Variants in LIFR observed in about 807,000 individuals in gnomAD.
LIFR encodes the protein leukemia inhibitory factor receptor.
LIFR carries 84 observed loss-of-function variants against 122.2 expected under a neutral mutation model. That is an observed-to-expected ratio of 0.69 (90% confidence interval 0.58 to 0.82). The LOEUF (loss-of-function observed/expected upper bound fraction) is 0.82, where lower values mean the gene tolerates loss of function less well. LIFR is among the 40% of genes least tolerant of loss of function. LIFR has a pLI of 0.00. For missense variants in LIFR, 1,294 were observed against 1,311.6 expected (o/e 0.99, Z 0.21); for synonymous variants, 422 against 434.7 (o/e 0.97, Z 0.36).
chr5:38,489,615 T>C (rs2112395320), intron 15 of LIFR, among the ~76,000 whole-genome samples: 1 of 152,316 alleles, frequency 6.6e-6, no homozygotes, highest in South Asian at 2.1e-4. Context: ...AAAGTACTAA[T>C]TAAATATTTT....
chr5:38,535,529 G>A (rs1419969658), intron 1 of LIFR, among the ~76,000 whole-genome samples: 2 of 152,172 alleles, frequency 1.3e-5, no homozygotes, highest in Non-Finnish European at 1.5e-5. Flanking sequence ...TTAGAGCTGA[G>A]TGGCTAGGAT....
intron 12 of LIFR, among the ~76,000 whole-genome samples, chr5:38,498,777 T>A (rs1745021208): frequency 6.6e-6 from 1 of 152,082 alleles, no homozygotes; most frequent in Admixed American, 6.6e-5. Context: ...TAATCAAGAG[T>A]GGATGTAACA....
At chr5:38,535,204 C>T (rs890950943) in intron 1 of LIFR, among the ~76,000 whole-genome samples, 3 of 152,168 alleles carry the variant, frequency 2.0e-5, no homozygotes, top group African/African-American at 7.2e-5. Context: ...GCTGCCATTC[C>T]ACAGCTGCCA....
intron 1 of LIFR, among the ~76,000 whole-genome samples, chr5:38,566,114 TTCTG>T (rs1218862937): frequency 6.6e-6 from 1 of 152,200 alleles, no homozygotes; most frequent in Non-Finnish European, 1.5e-5. Flanking sequence ...TTTTATTGCT[TTCTG>T]TCTTTCATTT....
At chr5:38,543,987 T>C (rs72742548) in intron 1 of LIFR, among the ~76,000 whole-genome samples, 133 of 152,216 alleles carry the variant, frequency 8.7e-4, no homozygotes, top group Middle Eastern at 6.8e-3. Context: ...ATAGCTAATT[T>C]ATTCAAGCAA....
In LIFR at chr5:38,481,336, A is replaced by G. The variant is rs1743971712; in HGVS notation, c.*259T>C. On this transcript the variant is annotated 3_prime_UTR_variant, in exon 20 of 20. Transcript: ENST00000453190. ...GCCTTGAAATGCTTCTTGAAGGTAG[A>G]GTACATGAGAATTCTTTGGCTTGAT... The G allele has an allele frequency of 1.9e-6, 1 of 536,496 alleles. No homozygotes were observed. The highest frequency in any genetic ancestry group is 2.2e-5 in the South Asian group (1 of 46,212). The allele number at this position is 536,496 out of a possible 1,614,324, so 33.2% of individuals were successfully genotyped here. A position where few individuals can be genotyped will look rare whatever the true frequency, so the allele number is the denominator to read the frequency against.
At chr5:38,549,651 C>A (rs552227494) in intron 1 of LIFR, among the ~76,000 whole-genome samples, 1 of 152,188 alleles carries the variant, frequency 6.6e-6, no homozygotes, top group African/African-American at 2.4e-5. Context: ...ATTAGCCGGG[C>A]GTGGTAGCGG....
intron 15 of LIFR, 43 bp from the exon 16 acceptor site, chr5:38,489,288 T>G: frequency 2.2e-6 from 3 of 1,353,364 alleles, no homozygotes; most frequent in African/African-American, 1.4e-5. Flanking sequence ...AGTGTATGAA[T>G]ACAGAGTAAT....
chr5:38,497,178 G>A (rs927369983), intron 12 of LIFR, among the ~76,000 whole-genome samples: 1 of 152,136 alleles, frequency 6.6e-6, no homozygotes, highest in African/African-American at 2.4e-5. Flanking sequence ...GGCACCTCAG[G>A]AGGCTGAGGC....
At chr5:38,524,491 A>G (rs1462730870) in intron 4 of LIFR, among the ~76,000 whole-genome samples, 1 of 152,192 alleles carries the variant, frequency 6.6e-6, no homozygotes, top group Non-Finnish European at 1.5e-5. Flanking sequence ...TATGGAAAAG[A>G]TGTCATGGAT....
At chr5:38,490,405 T>C (rs1273564979) in intron 14 of LIFR, 114 bp from the exon 15 acceptor site, 1 of 507,592 alleles carries the variant, frequency 2.0e-6, no homozygotes, top group Non-Finnish European at 3.6e-6. Context: ...TTTAAAGATG[T>C]TTTCTTATTA....
chr5:38,605,133 T>C (rs972930821), intron 2 of LIFR, among the ~76,000 whole-genome samples: 1 of 152,114 alleles, frequency 6.6e-6, no homozygotes, highest in African/African-American at 2.4e-5. Context: ...TTGATACTAA[T>C]ACTGGAGGGG....
At chr5:38,522,640 A>G (rs190629556) in intron 5 of LIFR, among the ~76,000 whole-genome samples, 39 of 152,362 alleles carry the variant, frequency 2.6e-4, no homozygotes, top group African/African-American at 8.9e-4. Context: ...CTATTGTCCC[A>G]TATAGGCTAG....
chr5:38,502,576 G>T, intron 11 of LIFR, 61 bp downstream of exon 11: 2 of 1,413,802 alleles, frequency 1.4e-6, no homozygotes, highest in East Asian at 2.3e-5. Flanking sequence ...TCTTTTTAAA[G>T]AAGTTGTAAA....
At chr5:38,488,206 C>T (rs977836397) in intron 16 of LIFR, among the ~76,000 whole-genome samples, 4 of 152,154 alleles carry the variant, frequency 2.6e-5, no homozygotes, top group African/African-American at 9.7e-5. Context: ...GTCCCTCATT[C>T]ACCAGCAATC....
At chr5:38,498,839 T>C (rs1376180704) in intron 12 of LIFR, among the ~76,000 whole-genome samples, 1 of 152,182 alleles carries the variant, frequency 6.6e-6, no homozygotes, top group Non-Finnish European at 1.5e-5. Context: ...GCATGTACAC[T>C]TCACTTTACT....
At position 38,481,503 on chromosome 5, in the gene LIFR, C is replaced by T. The variant is rs1484096819; in HGVS notation, c.*92G>A. 4 of 1,319,296 alleles carry T rather than the reference C, an allele frequency of 3.0e-6. No homozygotes were observed. Among genetic ancestry groups the T allele is most frequent in the Non-Finnish European group, 4.4e-6 (4 of 912,166 alleles). 81.7% of individuals were successfully genotyped at this position (1,319,296 alleles called of 1,614,324 possible). A position where few individuals can be genotyped will look rare whatever the true frequency, so the allele number is the denominator to read the frequency against. On this transcript the variant is annotated 3_prime_UTR_variant, in exon 20 of 20. Transcript: ENST00000453190. ...AAGTTCACCTCCTAACAATACTTCA[C>T]AGGATCCCTCCAAGAATGCCCAGTG...
chr5:38,485,179 T>C (rs1744217797), intron 17 of LIFR, among the ~76,000 whole-genome samples: 2 of 152,166 alleles, frequency 1.3e-5, no homozygotes, highest in Admixed American at 1.3e-4. Flanking sequence ...ATCCATGGCC[T>C]CTCACCGCTA....
intron 10 of LIFR, among the ~76,000 whole-genome samples, 164 bp from the exon 11 acceptor site, chr5:38,502,963 G>A (rs1232320371): frequency 6.6e-6 from 1 of 151,952 alleles, no homozygotes; most frequent in African/African-American, 2.4e-5. Context: ...ACCCAAAGCA[G>A]TTTATCCACT....
Sources: allele counts gnomAD v4.1 joint callset (sites outside exome capture counted in the v4.1 genomes callset), GRCh38; gene constraint gnomAD v4.1.1; transcripts MANE v1.5; gene names NCBI Gene and HGNC (gene_info 2026-07-23, HGNC 2026-07-21).